The following SMAGP variants were observed in gnomAD, a reference collection of about 807,000 sequenced individuals.
SMAGP encodes small cell transmembrane and glycosylated protein.
In SMAGP, 7 loss-of-function variants were observed where a neutral mutation model predicts 10.1. That is an observed-to-expected ratio of 0.70 (90% CI 0.40 to 1.31). SMAGP has a LOEUF of 1.31. Among genes scored for constraint, SMAGP ranks in the 50% most tolerant of loss-of-function variants. The probability of loss-of-function intolerance (pLI) is 0.01; values close to 1 mark genes in which losing one functional copy is unlikely to be tolerated. For synonymous variants in SMAGP, 49 were observed against 47.2 expected (o/e 1.04, Z -0.16); for missense variants, 113 against 116.5 (o/e 0.97, Z 0.14).
intron 2 of SMAGP, among the ~76,000 whole-genome samples, chr12:51,252,345 C>T (rs1192128227): frequency 6.6e-6 from 1 of 151,442 alleles, no homozygotes; most frequent in Non-Finnish European, 1.5e-5. Context: ...CTGCCCGCCT[C>T]GGCCTCCCAA....
In SMAGP at chr12:51,269,323, G is replaced by A. The variant is rs1945005384; in HGVS notation, c.-38-7C>T. 3.7e-6 allele frequency: 6 copies of A among 1,611,666 alleles called. No individual in the cohort carries two copies. The highest frequency in any genetic ancestry group is 5.1e-6 in the Non-Finnish European group (6 of 1,177,828). On this transcript the variant is annotated splice_polypyrimidine_tract_variant and splice_region_variant and intron_variant, in intron 1 of 3. Transcript: ENST00000603798. ...TCTTGGAGAAGAGGCAGATCTGTAGGAAGAGGGGCAAAGACAGGAATGTAG... is the reference window on the plus strand; with the variant it reads ...TCTTGGAGAAGAGGCAGATCTGTAGAAAGAGGGGCAAAGACAGGAATGTAG...
chr12:51,252,094 G>C lies in SMAGP; in HGVS notation c.35-5263C>G, dbSNP rs1008005970. The stretch of plus-strand genomic sequence containing the variant: ...TGACAAGAAGGCAGACTCTACATCA[G>C]ATTTTTTTTTTTTTTTCCAGACAGA... On this transcript the variant is annotated intron_variant, in intron 2 of 3. Transcript: ENST00000603798. Among the ~76,000 whole-genome samples, 4 of 117,574 alleles carry C rather than the reference G, an allele frequency of 3.4e-5. No homozygotes were observed. The East Asian group carries it at 9.9e-4, about 29-fold the overall frequency. 77.1% of individuals were successfully genotyped at this position (117,574 alleles called of 152,430 possible).
intron 2 of SMAGP, among the ~76,000 whole-genome samples, chr12:51,264,298 G>A (rs1445786349): frequency 1.3e-5 from 2 of 152,162 alleles, no homozygotes; most frequent in African/African-American, 2.4e-5. Flanking sequence ...CAGTGGATAG[G>A]AGACTGTCCT....
intron 2 of SMAGP, among the ~76,000 whole-genome samples, chr12:51,260,061 G>A (rs1023744899): frequency 6.6e-6 from 1 of 152,000 alleles, no homozygotes; most frequent in Non-Finnish European, 1.5e-5. Flanking sequence ...CAATGATAAA[G>A]AATTACTTTT....
At chr12:51,260,105 T>C (rs1944918062) in intron 2 of SMAGP, among the ~76,000 whole-genome samples, 1 of 152,128 alleles carries the variant, frequency 6.6e-6, no homozygotes, top group Admixed American at 6.6e-5. Flanking sequence ...GCTGTTATTT[T>C]AGGCACCAGC....
intron 3 of SMAGP, chr12:51,246,526 G>A (rs944121599): frequency 6.5e-6 from 3 of 458,270 alleles, no homozygotes; most frequent in Non-Finnish European, 1.2e-5. Context: ...ACGTCCGTAT[G>A]CATATCTATT....
At chr12:51,258,684 G>T (rs573186380) in intron 2 of SMAGP, among the ~76,000 whole-genome samples, 4 of 152,164 alleles carry the variant, frequency 2.6e-5, no homozygotes, top group Admixed American at 2.0e-4. Flanking sequence ...CCTAAGTGAG[G>T]CAGTAATGGG....
intron 2 of SMAGP, among the ~76,000 whole-genome samples, chr12:51,247,364 T>C (rs1029342251): frequency 6.6e-6 from 1 of 152,228 alleles, no homozygotes; most frequent in African/African-American, 2.4e-5. Flanking sequence ...TTTAACATAA[T>C]GAAATAGTGC....
chr12:51,250,228 A>C (rs912774840), intron 2 of SMAGP, among the ~76,000 whole-genome samples: 1 of 149,724 alleles, frequency 6.7e-6, no homozygotes, highest in Admixed American at 6.7e-5. Context: ...AAAAAAATGT[A>C]AAAATTAGCC....
At chr12:51,269,132 A>G in intron 2 of SMAGP, 113 bp downstream of exon 2, 2 of 1,136,376 alleles carry the variant, frequency 1.8e-6, no homozygotes, top group South Asian at 1.3e-5. Context: ...TGTGTGAGGC[A>G]GGCAGAGAGA....
At chr12:51,258,197 T>A (rs1592235245) in intron 2 of SMAGP, among the ~76,000 whole-genome samples, 1 of 151,872 alleles carries the variant, frequency 6.6e-6, no homozygotes, top group East Asian at 1.9e-4. Flanking sequence ...CAAAATAGGA[T>A]GTAAGATAAT....
intron 2 of SMAGP, among the ~76,000 whole-genome samples, chr12:51,258,592 CAA>C (rs35408875): frequency 2.3e-5 from 3 of 129,328 alleles, no homozygotes; most frequent in Non-Finnish European, 1.7e-5. Flanking sequence ...GACTCCATCT[CAA>C]AAAAAAAAAA....
intron 3 of SMAGP, 115 bp from the exon 4 acceptor site, chr12:51,246,234 C>T (rs527317430): frequency 1.4e-6 from 2 of 1,437,090 alleles, no homozygotes; most frequent in Non-Finnish European, 1.9e-6. Context: ...TTTTCATTAA[C>T]TAGTGTCCAC....
At chr12:51,260,187 C>T (rs1196411456) in intron 2 of SMAGP, among the ~76,000 whole-genome samples, 4 of 148,430 alleles carry the variant, frequency 2.7e-5, no homozygotes, top group East Asian at 4.0e-4. Context: ...CTGCTGAGTT[C>T]ATCTGGGTGT....
chr12:51,255,091 C>T (rs965679136), intron 2 of SMAGP, among the ~76,000 whole-genome samples: 1 of 152,092 alleles, frequency 6.6e-6, no homozygotes, highest in Non-Finnish European at 1.5e-5. Flanking sequence ...GCTGGAGTGC[C>T]ATGGTATGAT....
At chr12:51,251,992 T>A (rs1233947537) in intron 2 of SMAGP, among the ~76,000 whole-genome samples, 1 of 152,194 alleles carries the variant, frequency 6.6e-6, no homozygotes, top group Non-Finnish European at 1.5e-5. Flanking sequence ...CAGTTTCCAC[T>A]TATATGAAGC....
At chr12:51,265,742 G>C (rs1363732806) in intron 2 of SMAGP, among the ~76,000 whole-genome samples, 1 of 152,144 alleles carries the variant, frequency 6.6e-6, no homozygotes, top group Non-Finnish European at 1.5e-5. Flanking sequence ...TTTCGGTTTG[G>C]GAAGGTAAAG....
chr12:51,251,155 T>TTA (rs1340022329), intron 2 of SMAGP, among the ~76,000 whole-genome samples: 3 of 152,126 alleles, frequency 2.0e-5, no homozygotes, highest in African/African-American at 7.2e-5. Context: ...TACATTAGGT[T>TTA]TAGTGTGGTA....
chr12:51,255,692 G>A (rs1325536473), intron 2 of SMAGP, among the ~76,000 whole-genome samples: 1 of 152,246 alleles, frequency 6.6e-6, no homozygotes, highest in Non-Finnish European at 1.5e-5. Flanking sequence ...AATAGGCTGT[G>A]GGAAGGTGGC....
Sources: gnomAD v4.1 joint callset for allele counts (sites outside exome capture counted in the v4.1 genomes callset) on GRCh38, gnomAD v4.1.1 for gene constraint, MANE v1.5 for transcripts, NCBI Gene and HGNC (gene_info 2026-07-23, HGNC 2026-07-21) for gene names.